The following RPGRIP1L variants were observed in gnomAD, a reference collection of about 807,000 sequenced individuals.
RPGRIP1L encodes RPGRIP1 like.
In RPGRIP1L, 131 loss-of-function variants were observed where a neutral mutation model predicts 160.4. That is an observed-to-expected ratio of 0.82 (90% CI 0.71 to 0.94). The LOEUF is 0.94. Among genes scored for constraint, RPGRIP1L ranks in the 40% least tolerant of loss-of-function variants. The probability of loss-of-function intolerance (pLI) is 0.00; values close to 1 mark genes in which losing one functional copy is unlikely to be tolerated. For synonymous variants in RPGRIP1L, 510 were observed against 515.8 expected (o/e 0.99, Z 0.15); for missense variants, 1,522 against 1,535.8 (o/e 0.99, Z 0.15).
chr16:53,702,117 T>C (rs1018689767), intron 1 of RPGRIP1L, among the ~76,000 whole-genome samples: 11 of 152,232 alleles, frequency 7.2e-5, no homozygotes, highest in African/African-American at 1.7e-4. Flanking sequence ...ATTGAACGCT[T>C]ACTATGTGCC....
intron 9 of RPGRIP1L, among the ~76,000 whole-genome samples, chr16:53,668,810 A>G (rs1324632929): frequency 6.6e-6 from 1 of 152,172 alleles, no homozygotes; most frequent in Non-Finnish European, 1.5e-5. Context: ...TAAATTGAAC[A>G]TTTATTAAAG....
At chr16:53,652,448 C>T in intron 15 of RPGRIP1L, 87 bp downstream of exon 15, 3 of 1,059,358 alleles carry the variant, frequency 2.8e-6, no homozygotes, top group Non-Finnish European at 4.3e-6. Flanking sequence ...CTTTAATATA[C>T]AAGAAAAGAT....
intron 16 of RPGRIP1L, among the ~76,000 whole-genome samples, chr16:53,647,930 C>A (rs1966671190): frequency 6.6e-6 from 1 of 151,614 alleles, no homozygotes; most frequent in Non-Finnish European, 1.5e-5. Context: ...ACAGTGAAAC[C>A]CCGTCTCTAC....
In RPGRIP1L at chr16:53,652,882, C is replaced by T. The variant is rs902687917; in HGVS notation, c.1805G>A (p.Arg602Gln). The change falls in exon 15 of 27, where the codon CGA becomes CAA. Residue 602 changes from arginine (R) to glutamine (Q), a missense_variant. Physicochemically the swap from Arg to Gln is conservative, Grantham distance 43. Coordinates refer to ENST00000647211, the MANE Select transcript of RPGRIP1L (RefSeq NM_015272.5). ...DEFDETIHLE[R>Q]GENLFEIHIN... ...ATGGATTTCAAATAGATTTTCGCCT[C>T]GTTCTAAGTGGATGGTTTCATCAAA... The T allele has an allele frequency of 2.9e-5, 46 of 1,611,896 alleles. No homozygotes were observed. The highest frequency in any genetic ancestry group is 1.3e-4 in the South Asian group (12 of 90,532).
In RPGRIP1L at chr16:53,671,719, C is replaced by A. The variant is rs565630739; in HGVS notation, c.1030-136G>T. 9 of 555,866 alleles carry A rather than the reference C, an allele frequency of 1.6e-5. No individual in the cohort carries two copies. In the South Asian group the frequency reaches 2.2e-4, roughly 13 times the overall value. 34.4% of individuals were successfully genotyped at this position (555,866 alleles called of 1,614,324 possible). A position where few individuals can be genotyped will look rare whatever the true frequency, so the allele number is the denominator to read the frequency against. On this transcript the variant is annotated intron_variant, in intron 8 of 26. Transcript: ENST00000647211. ...CGATTGCTAAATGGTAGCTGCTAAC[C>A]AGACCACTTATATTGTCTGCATTTA...
At chr16:53,695,618 A>C (rs1288858578) in intron 3 of RPGRIP1L, 1 of 582,526 alleles carries the variant, frequency 1.7e-6, no homozygotes, top group East Asian at 2.8e-5. Context: ...GATTTTTTGC[A>C]CATAAATCAA....
intron 9 of RPGRIP1L, among the ~76,000 whole-genome samples, chr16:53,666,701 A>G (rs1329342512): frequency 6.6e-6 from 1 of 152,116 alleles, no homozygotes; most frequent in Admixed American, 6.6e-5. Context: ...CACAACATAC[A>G]TTATATCAGA....
At chr16:53,636,023 A>C (rs62050408) in intron 22 of RPGRIP1L, among the ~76,000 whole-genome samples, 1 of 152,154 alleles carries the variant, frequency 6.6e-6, no homozygotes, top group African/African-American at 2.4e-5. Context: ...ACATATTATC[A>C]GTGGATATAT....
At chr16:53,627,363 T>C (rs1314263643) in intron 22 of RPGRIP1L, among the ~76,000 whole-genome samples, 2 of 152,180 alleles carry the variant, frequency 1.3e-5, no homozygotes. Context: ...ATTTCTTTAA[T>C]TTTTTATTAT....
intron 24 of RPGRIP1L, 49 bp from the exon 25 acceptor site, chr16:53,611,100 G>A (rs764423518): frequency 8.3e-7 from 1 of 1,205,950 alleles, no homozygotes; most frequent in Non-Finnish European, 1.2e-6. Flanking sequence ...CTCAGGAATA[G>A]GCTACATTAG....
intron 9 of RPGRIP1L, 92 bp from the exon 10 acceptor site, chr16:53,665,101 C>G (rs1041734810): frequency 2.8e-6 from 4 of 1,439,330 alleles, no homozygotes; most frequent in Non-Finnish European, 3.8e-6. Flanking sequence ...GCAGAGACCA[C>G]TGTCATCATG....
chr16:53,653,141 T>G (rs780716090), intron 14 of RPGRIP1L, 154 bp from the exon 15 acceptor site: 37 of 401,194 alleles, frequency 9.2e-5, no homozygotes, highest in Non-Finnish European at 1.2e-4. Context: ...TACTTTATCG[T>G]ACAAAAATTT....
chr16:53,686,469 A>G lies in RPGRIP1L; in HGVS notation c.740T>C (p.Leu247Pro). Residue 247 changes from leucine (L) to proline (P), a missense_variant, in exon 6 of 27, where the codon CTT becomes CCT. Transcript: ENST00000647211. ...AGCTTGCTGTTCTCGAAGCTGAAGAAGAGATAACTCAATTTCATTTTCTTT... is the reference window on the plus strand; with the variant it reads ...AGCTTGCTGTTCTCGAAGCTGAAGAGGAGATAACTCAATTTCATTTTCTTT... ...RRKENEIELS[L>P]LQLREQQATD... 1 of 1,613,656 alleles carries G rather than the reference A, an allele frequency of 6.2e-7. No individual in the cohort carries two copies. The highest frequency in any genetic ancestry group is 8.5e-7 in the Non-Finnish European group (1 of 1,179,794).
intron 9 of RPGRIP1L, among the ~76,000 whole-genome samples, chr16:53,667,286 C>T (rs942504651): frequency 4.6e-5 from 7 of 152,184 alleles, no homozygotes; most frequent in Admixed American, 3.3e-4. Flanking sequence ...TGTAAATACA[C>T]ACCCTTGACC....
At chr16:53,698,018 C>T (rs556327841) in intron 2 of RPGRIP1L, among the ~76,000 whole-genome samples, 8 of 151,962 alleles carry the variant, frequency 5.3e-5, no homozygotes, top group South Asian at 2.1e-4. Flanking sequence ...CCTGCCGCCC[C>T]GTCTGGGATG....
At position 53,600,957 on chromosome 16, in the gene RPGRIP1L, T is replaced by A. The variant is rs1191793400; in HGVS notation, c.*1119A>T. 2 of 152,464 alleles carry A rather than the reference T, an allele frequency of 1.3e-5. No homozygotes were observed. The highest frequency in any genetic ancestry group is 2.9e-5 in the Non-Finnish European group (2 of 67,990). The allele number at this position is 152,464 out of a possible 1,614,324, so 9.4% of individuals were successfully genotyped here. Reference sequence around the variant, plus strand: ...AGGAACATAGCCTGTTTGCAAACAGTGAAAACCCACAGCCTATAAAAATCC... The same window carrying A: ...AGGAACATAGCCTGTTTGCAAACAGAGAAAACCCACAGCCTATAAAAATCC... On this transcript the variant is annotated 3_prime_UTR_variant, in exon 27 of 27. Coordinates refer to ENST00000647211, the MANE Select transcript of RPGRIP1L (RefSeq NM_015272.5).
intron 14 of RPGRIP1L, chr16:53,653,554 GC>G (rs1464105340): frequency 6.4e-6 from 1 of 155,948 alleles, no homozygotes; most frequent in Non-Finnish European, 1.4e-5. Context: ...TCAATTAATT[GC>G]TAGACGCAAT....
intron 14 of RPGRIP1L, among the ~76,000 whole-genome samples, chr16:53,654,846 A>G (rs767007340): frequency 6.6e-6 from 1 of 152,306 alleles, no homozygotes; most frequent in Middle Eastern, 3.4e-3. Context: ...ACAAATTTTT[A>G]TTGAGTACTA....
intron 22 of RPGRIP1L, among the ~76,000 whole-genome samples, chr16:53,631,772 A>G (rs1199767345): frequency 6.6e-6 from 1 of 152,204 alleles, no homozygotes; most frequent in Non-Finnish European, 1.5e-5. Context: ...GCTTTTTAGT[A>G]AAAGCAGCAG....
Sources: gnomAD v4.1 joint callset for allele counts (sites outside exome capture counted in the v4.1 genomes callset) on GRCh38, gnomAD v4.1.1 for gene constraint, MANE v1.5 for transcripts, NCBI Gene and HGNC (gene_info 2026-07-23, HGNC 2026-07-21) for gene names.